CSMD3: variants seen among roughly 807,000 people sequenced by gnomAD.
CSMD3 encodes CUB and sushi domain-containing protein 3.
Under a neutral mutation model 435.2 loss-of-function variants are expected in CSMD3, and 177 were observed. That is an observed-to-expected ratio of 0.41 (90% confidence interval 0.36 to 0.46). The LOEUF is 0.46. CSMD3 is among the 20% of genes least tolerant of loss of function. The pLI is 0.34. For synonymous variants in CSMD3, 1,656 were observed against 1,520.5 expected (o/e 1.09, Z -2.07); for missense variants, 4,265 against 4,504.6 (o/e 0.95, Z 1.52).
chr8:113,326,333 A>G (rs995760991), intron 1 of CSMD3, among the ~76,000 whole-genome samples: 2 of 141,088 alleles, frequency 1.4e-5, no homozygotes, highest in Admixed American at 7.7e-5. Context: ...TTGTTATATT[A>G]ATTATATTAA....
intron 59 of CSMD3, among the ~76,000 whole-genome samples, chr8:112,266,019 A>G (rs1816909860): frequency 6.6e-6 from 1 of 152,142 alleles, no homozygotes; most frequent in South Asian, 2.1e-4. Context: ...TATTTTCTGC[A>G]GTGTCACTCA....
At chr8:112,314,392 A>T (rs2130835166) in intron 48 of CSMD3, 37 bp downstream of exon 48, 1 of 1,377,000 alleles carries the variant, frequency 7.3e-7, no homozygotes, top group Non-Finnish European at 1.0e-6. Flanking sequence ...ATTTGTACTT[A>T]ATTGATGAAT....
intron 4 of CSMD3, among the ~76,000 whole-genome samples, chr8:113,161,611 G>T (rs1156920904): frequency 1.3e-5 from 2 of 151,870 alleles, no homozygotes; most frequent in Non-Finnish European, 2.9e-5. Flanking sequence ...TATATTGCTG[G>T]TGTTCTCTCT....
chr8:112,429,333 A>G (rs1462953304), intron 32 of CSMD3, among the ~76,000 whole-genome samples: 1 of 152,010 alleles, frequency 6.6e-6, no homozygotes, highest in East Asian at 1.9e-4. Flanking sequence ...TTAACATAAT[A>G]TCTTTCAAGT....
rs544363963 is a variant in CSMD3, at chr8:112,541,831, GA to G, written c.4564+8839del. 8.2e-4 allele frequency among the ~76,000 whole-genome samples: 124 copies of G among 151,148 alleles called. 1 individual carries two copies. The highest frequency in any genetic ancestry group is 2.8e-3 in the African/African-American group (114 of 41,202). Reference sequence around the variant, plus strand: ...CCAAAGCCAGAAAAATACATCACAAGAAAAAAAACTAGAGATCAATATTTCT... The same window carrying G: ...CCAAAGCCAGAAAAATACATCACAAGAAAAAAACTAGAGATCAATATTTCT... On this transcript the variant is annotated intron_variant, in intron 27 of 70. Transcript: ENST00000297405.
In CSMD3 at chr8:112,471,311, C is replaced by T. The variant is rs191085449; in HGVS notation, c.5395+1280G>A. Among the ~76,000 whole-genome samples, 322 of 152,032 alleles carry T rather than the reference C, an allele frequency of 2.1e-3. 3 individuals carry two copies. The highest frequency in any genetic ancestry group is 3.4e-3 in the Middle Eastern group (1 of 294). On this transcript the variant is annotated intron_variant, in intron 32 of 70. Transcript: ENST00000297405. The stretch of plus-strand genomic sequence containing the variant: ...TCAGCAACCATGTAACATTTTTTTG[C>T]ATCTGGGGAGCATAAAACTCTCTAG...
At chr8:113,116,112 T>C (rs745792795) in intron 4 of CSMD3, among the ~76,000 whole-genome samples, 2 of 152,114 alleles carry the variant, frequency 1.3e-5, no homozygotes, top group Admixed American at 6.5e-5. Context: ...GTATTTCTTA[T>C]ATCAGGATTA....
intron 4 of CSMD3, among the ~76,000 whole-genome samples, chr8:113,113,051 T>A (rs2090711320): frequency 6.6e-6 from 1 of 152,158 alleles, no homozygotes; most frequent in South Asian, 2.1e-4. Context: ...CTTTGCCTTA[T>A]TTTTTGGCCT....
At chr8:112,934,035 T>C (rs1299132502) in intron 9 of CSMD3, among the ~76,000 whole-genome samples, 1 of 152,102 alleles carries the variant, frequency 6.6e-6, no homozygotes, top group Non-Finnish European at 1.5e-5. Flanking sequence ...CGTCCTTTTA[T>C]CTAGGGTTTA....
At chr8:113,297,449 A>C (rs1246008735) in intron 2 of CSMD3, among the ~76,000 whole-genome samples, 4 of 149,702 alleles carry the variant, frequency 2.7e-5, no homozygotes, top group Non-Finnish European at 5.9e-5. Context: ...TGAAAAATTT[A>C]CCTAACAATT....
At chr8:113,346,664 CTA>C (rs1296960208) in intron 1 of CSMD3, among the ~76,000 whole-genome samples, 1 of 152,010 alleles carries the variant, frequency 6.6e-6, no homozygotes, top group Non-Finnish European at 1.5e-5. Context: ...ACTTTACACT[CTA>C]TTTCCTATCT....
chr8:113,385,169 C>T (rs1421184830), intron 1 of CSMD3, among the ~76,000 whole-genome samples: 1 of 152,064 alleles, frequency 6.6e-6, no homozygotes, highest in African/African-American at 2.4e-5. Context: ...AACATCACTA[C>T]TTAGTACATA....
intron 20 of CSMD3, among the ~76,000 whole-genome samples, chr8:112,639,897 A>G (rs2074772329): frequency 6.6e-6 from 1 of 152,148 alleles, no homozygotes; most frequent in Admixed American, 6.6e-5. Context: ...ATGAACATTT[A>G]TCTTTTGTGA....
At chr8:112,747,628 T>G (rs1478756335) in intron 13 of CSMD3, among the ~76,000 whole-genome samples, 1 of 152,152 alleles carries the variant, frequency 6.6e-6, no homozygotes, top group Non-Finnish European at 1.5e-5. Context: ...TAATTTAGGC[T>G]TTGCAAGCAT....
chr8:112,291,815 C>A, intron 55 of CSMD3, 120 bp from the exon 56 acceptor site: 1 of 670,764 alleles, frequency 1.5e-6, no homozygotes, highest in South Asian at 2.0e-5. Context: ...CAACCAGATT[C>A]CAATAATAAA....
chr8:112,598,599 C>T (rs1406706267), intron 22 of CSMD3, among the ~76,000 whole-genome samples: 52 of 150,600 alleles, frequency 3.5e-4, no homozygotes, highest in Non-Finnish European at 6.9e-4. Context: ...GGAGGCATCA[C>T]ACTACCTGAC....
intron 11 of CSMD3, among the ~76,000 whole-genome samples, chr8:112,834,087 T>C (rs185155688): frequency 2.1e-4 from 32 of 152,064 alleles, no homozygotes; most frequent in African/African-American, 7.7e-4. Context: ...TAATGGTAGA[T>C]TTTATTTTGC....
chr8:112,260,694 T>C (rs1312248446), intron 61 of CSMD3, among the ~76,000 whole-genome samples: 3 of 152,146 alleles, frequency 2.0e-5, no homozygotes, highest in East Asian at 1.9e-4. Context: ...ATTCAGAACA[T>C]AGTGATGTTT....
intron 6 of CSMD3, among the ~76,000 whole-genome samples, chr8:112,978,066 T>A (rs1442588912): frequency 6.6e-6 from 1 of 152,020 alleles, no homozygotes; most frequent in Non-Finnish European, 1.5e-5. Context: ...TAATTGAGCC[T>A]TTTTATTTTT....
Sources: gnomAD v4.1 joint callset for allele counts (sites outside exome capture counted in the v4.1 genomes callset) on GRCh38, gnomAD v4.1.1 for gene constraint, MANE v1.5 for transcripts, NCBI Gene and HGNC (gene_info 2026-07-23, HGNC 2026-07-21) for gene names.